The following GALNT16 variants were observed in gnomAD, a reference collection of about 807,000 sequenced individuals.
The protein encoded by GALNT16 is polypeptide N-acetylgalactosaminyltransferase 16.
In GALNT16, 40 loss-of-function variants were observed where a neutral mutation model predicts 76.1. The observed-to-expected ratio is 0.53, with a 90% CI of 0.41 to 0.68. The LOEUF (loss-of-function observed/expected upper bound fraction) is 0.68, where lower values mean the gene tolerates loss of function less well. Among genes scored for constraint, GALNT16 ranks in the 30% least tolerant of loss-of-function variants. The pLI is 0.00. For synonymous variants in GALNT16, 276 were observed against 285.2 expected (o/e 0.97, Z 0.32); for missense variants, 621 against 731.9 (o/e 0.85, Z 1.75).
chr14:69,275,062 G>A (rs1204272324), intron 1 of GALNT16, among the ~76,000 whole-genome samples: 1 of 152,200 alleles, frequency 6.6e-6, no homozygotes, highest in African/African-American at 2.4e-5. Flanking sequence ...AGGATGGGGA[G>A]CTTCAGAGGG....
intron 1 of GALNT16, among the ~76,000 whole-genome samples, chr14:69,269,122 C>T (rs1265833443): frequency 6.6e-6 from 1 of 152,074 alleles, no homozygotes; most frequent in African/African-American, 2.4e-5. Flanking sequence ...AGTGTTGGTT[C>T]TTTTTTCTTT....
chr14:69,374,218 C>G, the GALNT16 span, among the ~76,000 whole-genome samples: 1 of 152,196 alleles, frequency 6.6e-6, no homozygotes. Context: ...GCCTTAATGT[C>G]TAGCCTAGAG....
At chr14:69,342,474 A>AAGAGAGGAAGGCAGGGAGGG (rs2045501642) in intron 12 of GALNT16, among the ~76,000 whole-genome samples, 1 of 31,490 alleles carries the variant, frequency 3.2e-5, no homozygotes, top group Non-Finnish European at 6.3e-5. Context: ...AGAAGGAAGG[A>AAGAGAGGAAGGCAGGGAGGG]AGGGAGGGAG....
At chr14:69,274,768 CG>C (rs1361412201) in intron 1 of GALNT16, among the ~76,000 whole-genome samples, 2 of 152,150 alleles carry the variant, frequency 1.3e-5, no homozygotes, top group Admixed American at 6.5e-5. Context: ...GACTGGAGGA[CG>C]GCAGGGATAG....
intron 12 of GALNT16, among the ~76,000 whole-genome samples, chr14:69,344,552 C>A (rs992398043): frequency 1.3e-5 from 2 of 152,182 alleles, no homozygotes; most frequent in African/African-American, 4.8e-5. Flanking sequence ...TGCTGGGGAG[C>A]TGGGGAAGGA....
downstream of GALNT16, chr14:69,357,907 G>C (rs1300420206): frequency 6.5e-6 from 1 of 152,836 alleles, no homozygotes; most frequent in African/African-American, 2.4e-5. Context: ...AGAGCTGGAG[G>C]CCCAGAGAGG....
upstream of GALNT16, chr14:69,260,098 A>C: frequency 6.1e-5 from 30 of 490,436 alleles, no homozygotes; most frequent in Non-Finnish European, 7.0e-5. Context: ...GGGCATTAGG[A>C]CCGTGAGGAT....
chr14:69,279,414 T>C (rs2044511819), intron 1 of GALNT16, among the ~76,000 whole-genome samples: 1 of 152,246 alleles, frequency 6.6e-6, no homozygotes, highest in African/African-American at 2.4e-5. Context: ...CACTACCTTT[T>C]AGAGTTGTTA....
At chr14:69,336,113 G>T (rs759385291) in intron 9 of GALNT16, among the ~76,000 whole-genome samples, 1 of 152,004 alleles carries the variant, frequency 6.6e-6, no homozygotes, top group South Asian at 2.1e-4. Context: ...TGGGCTGCAC[G>T]GCCTCCTTTT....
chr14:69,302,199 T>C (rs141018196), intron 1 of GALNT16, among the ~76,000 whole-genome samples: 90 of 152,352 alleles, frequency 5.9e-4, no homozygotes, highest in African/African-American at 2.1e-3. Context: ...AAGGTAGATA[T>C]TTTTAATAGT....
At position 69,339,624 on chromosome 14, in the gene GALNT16, G is replaced by GC. The variant is rs753847289; in HGVS notation, c.1187+12dup. The GC allele has an allele frequency of 2.0e-5, 31 of 1,561,460 alleles. No homozygotes were observed. The highest frequency in any genetic ancestry group is 6.8e-5 in the African/African-American group (5 of 73,730). On this transcript the variant is annotated splice_donor_region_variant and intron_variant, in intron 11 of 14. Transcript: ENST00000448469. ...CATCGGGAAGGCCTTCGGCAGGTGG[G>GC]CCCCCCCAGCTCCACTGTCTGACTC... is the stretch of plus-strand genomic sequence containing the variant.
the GALNT16 span, among the ~76,000 whole-genome samples, chr14:69,372,810 A>G: frequency 3.1e-3 from 478 of 152,308 alleles, 4 homozygotes; most frequent in African/African-American, 0.011. Flanking sequence ...TCATTCTAAT[A>G]AGCATTTGTC....
intron 14 of GALNT16, chr14:69,349,448 ATGGCATTC>A (rs1371680868): frequency 6.6e-6 from 1 of 152,252 alleles, no homozygotes; most frequent in African/African-American, 2.4e-5. Flanking sequence ...CAGGCTCCCG[ATGGCATTC>A]TGGGTGCCTG....
chr14:69,381,757 TG>T, the GALNT16 span, among the ~76,000 whole-genome samples: 2 of 152,166 alleles, frequency 1.3e-5, no homozygotes, highest in African/African-American at 4.8e-5. Flanking sequence ...GGTGCCATCT[TG>T]GCTCACTGCA....
At chr14:69,375,233 T>G in the GALNT16 span, among the ~76,000 whole-genome samples, 1 of 152,210 alleles carries the variant, frequency 6.6e-6, no homozygotes. Context: ...TGCTTAGTGT[T>G]TGCATGACAT....
At chr14:69,345,784 AATAAT>A (rs2045554872) in intron 12 of GALNT16, among the ~76,000 whole-genome samples, 1 of 149,710 alleles carries the variant, frequency 6.7e-6, no homozygotes, top group Non-Finnish European at 1.5e-5. Context: ...AAAGTGTTTT[AATAAT>A]ATAATATTTT....
At chr14:69,322,988 GCA>G (rs777958125) in intron 2 of GALNT16, among the ~76,000 whole-genome samples, 1,224 of 22,708 alleles carry the variant, frequency 0.054, 41 homozygotes, top group East Asian at 0.19. Context: ...GTGTGCGCGC[GCA>G]CGCGCGCACG....
intron 1 of GALNT16, among the ~76,000 whole-genome samples, chr14:69,308,761 A>G (rs552516204): frequency 2.0e-5 from 3 of 152,366 alleles, no homozygotes; most frequent in Admixed American, 2.0e-4. Flanking sequence ...GTCTCAGGAA[A>G]TCAAGTGTAT....
chr14:69,278,231 A>G (rs2044498748), intron 1 of GALNT16, among the ~76,000 whole-genome samples: 2 of 151,816 alleles, frequency 1.3e-5, no homozygotes, highest in Admixed American at 6.6e-5. Flanking sequence ...CTGGTCTTGA[A>G]CTCCTAGGCT....
Sources: gnomAD v4.1 joint callset for allele counts (sites outside exome capture counted in the v4.1 genomes callset) on GRCh38, gnomAD v4.1.1 for gene constraint, MANE v1.5 for transcripts, NCBI Gene and HGNC (gene_info 2026-07-23, HGNC 2026-07-21) for gene names.